The following ENTPD7 variants were observed in gnomAD, a reference collection of about 807,000 sequenced individuals.
ENTPD7 encodes ectonucleoside triphosphate diphosphohydrolase 7, also known as NTPDase 7.
ENTPD7 carries 53 observed loss-of-function variants against 77.9 expected under a neutral mutation model. The observed-to-expected ratio is 0.68, with a 90% CI of 0.55 to 0.85. The LOEUF is 0.85. Ranked by LOEUF, ENTPD7 falls within the 40% of genes least tolerant of loss-of-function variation. The pLI is 0.00. For missense variants in ENTPD7, 636 were observed against 743.7 expected, an observed-to-expected ratio of 0.86 and a Z score of 1.68; for synonymous variants, 248 against 274.9, an observed-to-expected ratio of 0.90 and a Z score of 0.97.
At chr10:99,687,259 C>CTTTCTTTCTTTTTTTTT (rs1223628237) in intron 6 of ENTPD7, among the ~76,000 whole-genome samples, 1 of 29,522 alleles carries the variant, frequency 3.4e-5, no homozygotes, top group Non-Finnish European at 5.6e-5. Context: ...TTCTTTCTTT[C>CTTTCTTTCTTTTTTTTT]TTTTTTTTTT....
In ENTPD7 at chr10:99,696,005, T is replaced by C; in HGVS notation, c.893T>C (p.Val298Ala). ...GCTGAGTTCAACCTGGGCTGTGATG[T>C]GCAACACACTGAACACGTGTACAGG... ...LLAEFNLGCD[V>A]QHTEHVYRVY... Residue 298 changes from valine (V) to alanine (A), a missense_variant, in exon 9 of 13, where the codon GTG becomes GCG. By Grantham distance (64) the Val-to-Ala change is moderately conservative (BLOSUM62 0). This residue lies in a region of ENTPD7 where 486 missense variants were observed against 556.5 expected (regional missense o/e 0.87). Coordinates refer to ENST00000370489, the MANE Select transcript of ENTPD7 (RefSeq NM_020354.5). 6.2e-7 allele frequency: 1 copy of C among 1,614,156 alleles called. No individual in the cohort carries two copies. The highest frequency in any genetic ancestry group is 8.5e-7 in the Non-Finnish European group (1 of 1,180,002).
chr10:99,699,690 G>A (rs899548204), intron 10 of ENTPD7, among the ~76,000 whole-genome samples: 31 of 152,002 alleles, frequency 2.0e-4, no homozygotes, highest in Non-Finnish European at 2.9e-5. Flanking sequence ...TCAGCCTCCC[G>A]AGTAGCTGGG....
At chr10:99,698,438 T>C in intron 9 of ENTPD7, 96 bp from the exon 10 acceptor site, 1 of 1,191,942 alleles carries the variant, frequency 8.4e-7, no homozygotes, top group Non-Finnish European at 1.2e-6. Flanking sequence ...TGAAAACCAG[T>C]AGTAAGATAT....
chr10:99,708,882 A>G lies in ENTPD7; in HGVS notation c.*4199A>G, dbSNP rs752120770. The G allele has an allele frequency of 2.0e-6, 2 of 985,280 alleles. No homozygotes were observed. Among genetic ancestry groups the G allele is most frequent in the South Asian group, 9.4e-5 (2 of 21,292 alleles). The allele number at this position is 985,280 out of a possible 1,614,324, so 61.0% of individuals were successfully genotyped here. ...ATTAACAGAATCTTTCTGCAAGTAT[A>G]AACAGAATCTATTTTTTATAAAACA... On this transcript the variant is annotated 3_prime_UTR_variant, in exon 13 of 13. Coordinates refer to ENST00000370489, the MANE Select transcript of ENTPD7 (RefSeq NM_020354.5).
Position 99,709,739 on chromosome 10 carries a change from TA to T in ENTPD7, c.*5057del, listed in dbSNP as rs1380992013. 2.0e-6 allele frequency: 2 copies of T among 985,416 alleles called. No individual in the cohort carries two copies. The highest frequency in any genetic ancestry group is 5.2e-4 in the Middle Eastern group (1 of 1,914). The allele number at this position is 985,416 out of a possible 1,614,324, so 61.0% of individuals were successfully genotyped here. ...AGCTTCATTTTAAGCCTGCTCTGTC[TA>T]CTTATCTTCCTTATATCCTAATAGA... On this transcript the variant is annotated 3_prime_UTR_variant, in exon 13 of 13. Coordinates refer to ENST00000370489, the MANE Select transcript of ENTPD7 (RefSeq NM_020354.5).
chr10:99,660,106 C>T (rs2035459123), intron 2 of ENTPD7, 142 bp downstream of exon 2: 1 of 1,310,784 alleles, frequency 7.6e-7, no homozygotes, highest in Non-Finnish European at 1.1e-6. Context: ...GATGCAGAGA[C>T]GATCAAAGTT....
intron 8 of ENTPD7, 146 bp downstream of exon 8, chr10:99,691,664 T>A: frequency 1.3e-6 from 1 of 760,864 alleles, no homozygotes; most frequent in Non-Finnish European, 2.1e-6. Context: ...GTAGGTTACC[T>A]CTCTGAGCCT....
intron 11 of ENTPD7, among the ~76,000 whole-genome samples, chr10:99,701,308 G>C (rs2036119148): frequency 6.8e-6 from 1 of 146,964 alleles, no homozygotes; most frequent in Admixed American, 6.8e-5. Flanking sequence ...TTTTTTTTGA[G>C]ACAGAGTCTC....
At chr10:99,693,772 G>C (rs2035920947) in intron 8 of ENTPD7, among the ~76,000 whole-genome samples, 1 of 152,134 alleles carries the variant, frequency 6.6e-6, no homozygotes, top group African/African-American at 2.4e-5. Flanking sequence ...ACAAAAATTA[G>C]CTGGGCAGGG....
At position 99,709,335 on chromosome 10, in the gene ENTPD7, T is replaced by C; in HGVS notation, c.*4652T>C. The C allele has an allele frequency of 1.0e-6, 1 of 985,402 alleles. No homozygotes were observed. The highest frequency in any genetic ancestry group is 1.2e-6 in the Non-Finnish European group (1 of 829,910). 61.0% of individuals were successfully genotyped at this position (985,402 alleles called of 1,614,324 possible). ...CTTTTTGCTGTGGTATGTGGTGTAA[T>C]GTTGATTGGGAATAAGAATTATGGT... On this transcript the variant is annotated 3_prime_UTR_variant, in exon 13 of 13. Coordinates refer to ENST00000370489, the MANE Select transcript of ENTPD7 (RefSeq NM_020354.5).
At position 99,698,870 on chromosome 10, in the gene ENTPD7, A is replaced by G. The variant is rs1247341823; in HGVS notation, c.1335+12A>G. The G allele has an allele frequency of 4.4e-6, 7 of 1,577,166 alleles. No homozygotes were observed. The East Asian group carries it at 6.7e-5, about 15-fold the overall frequency. On this transcript the variant is annotated intron_variant, in intron 10 of 12. Transcript: ENST00000370489. ...CCAAGGCTGCTCAGGTAAATTATTA[A>G]TGATAAACATGGCTTATGCTGGCAG...
chr10:99,674,270 G>A (rs2035653638), intron 3 of ENTPD7, among the ~76,000 whole-genome samples: 1 of 152,140 alleles, frequency 6.6e-6, no homozygotes, highest in Non-Finnish European at 1.5e-5. Flanking sequence ...GAGTCTGTGA[G>A]GGTGAAACTA....
In ENTPD7 at chr10:99,659,918, A is replaced by G; in HGVS notation, c.-39A>G. The G allele has an allele frequency of 8.1e-6, 13 of 1,613,952 alleles. No homozygotes were observed. The highest frequency in any genetic ancestry group is 1.0e-5 in the Non-Finnish European group (12 of 1,179,936). ...AGGCCACCTTCTCAGGGCAAAAGAA[A>G]AAGAAGGTGACAGGCGTTGAGACCA... is the stretch of plus-strand genomic sequence containing the variant. On this transcript the variant is annotated 5_prime_UTR_variant, in exon 2 of 13. Transcript: ENST00000370489. This position sits in a 1 kb window ranked among gnomAD's most constrained non-coding sequence, Gnocchi z 4.1.
chr10:99,679,109 C>T, intron 3 of ENTPD7, 152 bp from the exon 4 acceptor site: 2 of 675,180 alleles, frequency 3.0e-6, no homozygotes, highest in Non-Finnish European at 5.0e-6. Context: ...GTAAATCTGT[C>T]AATATTGCTT....
chr10:99,680,013 T>A (rs1362651760), intron 5 of ENTPD7, 138 bp downstream of exon 5: 4 of 1,038,170 alleles, frequency 3.9e-6, no homozygotes, highest in Non-Finnish European at 5.4e-6. Flanking sequence ...CCCAACTTCT[T>A]GTCATTTGCT....
rs113217443 is a variant in ENTPD7, at chr10:99,702,456, G to C, written c.1422-56G>C. 1,872 of 1,434,358 alleles carry C rather than the reference G, an allele frequency of 1.3e-3. 19 individuals are homozygous for C. In the African/African-American group the frequency reaches 0.024, roughly 18 times the overall value. 88.9% of individuals were successfully genotyped at this position (1,434,358 alleles called of 1,614,324 possible). A position where few individuals can be genotyped will look rare whatever the true frequency, so the allele number is the denominator to read the frequency against. On this transcript the variant is annotated intron_variant, in intron 11 of 12. Coordinates refer to ENST00000370489, the MANE Select transcript of ENTPD7 (RefSeq NM_020354.5). The stretch of plus-strand genomic sequence containing the variant: ...GAATACGGAGTGGCTTATTGCAAAG[G>C]AAAGTATTAGAATTCTTTTCTCTTT...
intron 3 of ENTPD7, among the ~76,000 whole-genome samples, chr10:99,678,070 A>T (rs550511239): frequency 2.7e-4 from 41 of 151,890 alleles, no homozygotes; most frequent in Non-Finnish European, 4.3e-4. Context: ...ATTATTTTTT[A>T]AAAATATAAT....
chr10:99,669,844 G>A lies in ENTPD7; in HGVS notation c.191+8216G>A, dbSNP rs1297967565. The stretch of plus-strand genomic sequence containing the variant: ...GGCTCACTGCAAGCTCCGCCTCCCG[G>A]GTTCACGCCATTCTCCTGCCTCAGC... On this transcript the variant is annotated intron_variant, in intron 3 of 12. Coordinates refer to ENST00000370489, the MANE Select transcript of ENTPD7 (RefSeq NM_020354.5). Among the ~76,000 whole-genome samples the A allele has an allele frequency of 2.2e-5, 3 of 138,064 alleles. No homozygotes were observed. The East Asian group carries it at 7.2e-4, about 33-fold the overall frequency. The allele number at this position is 138,064 out of a possible 152,430, so 90.6% of individuals were successfully genotyped here.
chr10:99,692,558 A>C (rs1181128525), intron 8 of ENTPD7, among the ~76,000 whole-genome samples: 1 of 146,628 alleles, frequency 6.8e-6, no homozygotes, highest in Non-Finnish European at 1.5e-5. Context: ...GTGGAGGCTG[A>C]GGGAAGGCCA....
Sources: allele counts gnomAD v4.1 joint callset (sites outside exome capture counted in the v4.1 genomes callset), GRCh38; gene constraint gnomAD v4.1.1; regional missense constraint gnomAD v4.1.1; non-coding constraint Gnocchi (gnomAD v3.1); transcripts MANE v1.5; gene names NCBI Gene and HGNC (gene_info 2026-07-23, HGNC 2026-07-21).